The following HGS variants were observed in gnomAD, a reference collection of about 807,000 sequenced individuals.
HGS encodes the protein human growth factor-regulated tyrosine kinase substrate.
In HGS, 63 loss-of-function variants were observed where a neutral mutation model predicts 109.7. The ratio of observed to expected loss-of-function variants is 0.57; its 90% CI spans 0.47 to 0.71. The LOEUF (loss-of-function observed/expected upper bound fraction) is 0.71. HGS is among the 30% of genes least tolerant of loss of function. The probability of loss-of-function intolerance (pLI) is 0.00; values close to 1 mark genes in which losing one functional copy is unlikely to be tolerated. For missense variants in HGS, 995 were observed against 1,068.3 expected, an observed-to-expected ratio of 0.93 and a Z score of 0.96; for synonymous variants, 546 against 437.3, an observed-to-expected ratio of 1.25 and a Z score of -3.10.
In HGS at chr17:81,691,910, C is replaced by A. The variant is rs62077183; in HGVS notation, c.662+339C>A. The A allele has an allele frequency of 0.13, 27,923 of 208,198 alleles. 2,078 individuals carry two copies. Among genetic ancestry groups the A allele is most frequent in the African/African-American group, 0.17 (7,360 of 43,986 alleles). The allele number at this position is 208,198 out of a possible 1,614,324, so 12.9% of individuals were successfully genotyped here. ...GAGTAGCACAGAGAAGCTGCGGGGCCGCGGCCAGTGCCTCAGCGGTGGGAA... is the reference window on the plus strand; with the variant it reads ...GAGTAGCACAGAGAAGCTGCGGGGCAGCGGCCAGTGCCTCAGCGGTGGGAA... On this transcript the variant is annotated intron_variant, in intron 8 of 21. Coordinates refer to ENST00000329138, the MANE Select transcript of HGS (RefSeq NM_004712.5). This position sits in a 1 kb window ranked among gnomAD's most constrained non-coding sequence, Gnocchi z 5.3.
Position 81,693,769 on chromosome 17 carries a change from G to C in HGS, c.840+17G>C. On this transcript the variant is annotated intron_variant, in intron 10 of 21. Coordinates refer to ENST00000329138, the MANE Select transcript of HGS (RefSeq NM_004712.5). ...GAGAGGCTGGTAAGCCGGGTGGGGC[G>C]GGGCGGCCTCAGGAGGGGCCCAGCT... 6.5e-7 allele frequency: 1 copy of C among 1,538,460 alleles called. No homozygotes were observed. Among genetic ancestry groups the C allele is most frequent in the Non-Finnish European group, 8.7e-7 (1 of 1,144,732 alleles).
At chr17:81,701,219 G>T (rs1202444273) in intron 21 of HGS, 88 bp downstream of exon 21, 1 of 1,214,928 alleles carries the variant, frequency 8.2e-7, no homozygotes, top group Admixed American at 1.8e-5. Context: ...CCCCAGTGGG[G>T]ATTGTCCCGT....
rs767751439 is a variant in HGS, at chr17:81,685,022, C to T, written c.38-583C>T. ...TGTGGGCAGAGCTGGAGCTGCCCCC[C>T]CAGAGGGGCCAGTTGTTGGAGACAG... is the stretch of plus-strand genomic sequence containing the variant. On this transcript the variant is annotated intron_variant, in intron 1 of 21. Coordinates refer to ENST00000329138, the MANE Select transcript of HGS (RefSeq NM_004712.5). 7.1e-6 allele frequency: 7 copies of T among 985,264 alleles called. No individual in the cohort carries two copies. In the South Asian group the frequency reaches 2.3e-4, roughly 33 times the overall value. 61.0% of individuals were successfully genotyped at this position (985,264 alleles called of 1,614,324 possible). A position where few individuals can be genotyped will look rare whatever the true frequency, so the allele number is the denominator to read the frequency against.
At position 81,701,491 on chromosome 17, in the gene HGS, G is replaced by C. The variant is rs1472775542; in HGVS notation, c.2224-17G>C. On this transcript the variant is annotated splice_polypyrimidine_tract_variant and intron_variant, in intron 21 of 21. Coordinates refer to ENST00000329138, the MANE Select transcript of HGS (RefSeq NM_004712.5). The stretch of plus-strand genomic sequence containing the variant: ...GGAAGGGAGGACCAGGGCCATGCCT[G>C]CTTTCCTCCTGCACAGATGGCACCC... 3 of 1,541,050 alleles carry C rather than the reference G, an allele frequency of 1.9e-6. No individual in the cohort carries two copies. The highest frequency in any genetic ancestry group is 2.6e-6 in the Non-Finnish European group (3 of 1,148,718).
chr17:81,687,450 A>G (rs1280752765), intron 4 of HGS, among the ~76,000 whole-genome samples: 1 of 152,088 alleles, frequency 6.6e-6, no homozygotes, highest in Non-Finnish European at 1.5e-5. Flanking sequence ...GGTGGTGGCT[A>G]TCGTGTGTGA....
At chr17:81,697,420 C>T (rs2037170817) in intron 18 of HGS, 1 of 156,172 alleles carries the variant, frequency 6.4e-6, no homozygotes, top group African/African-American at 2.5e-5. Context: ...ATCTACTGTC[C>T]CAAGAGCACT....
At position 81,696,142 on chromosome 17, in the gene HGS, G is replaced by A. The variant is rs2037142608; in HGVS notation, c.1393+143G>A. 3 of 923,184 alleles carry A rather than the reference G, an allele frequency of 3.2e-6. No homozygotes were observed. In the South Asian group the frequency reaches 5.2e-5, roughly 16 times the overall value. The allele number at this position is 923,184 out of a possible 1,614,324, so 57.2% of individuals were successfully genotyped here. A position where few individuals can be genotyped will look rare whatever the true frequency, so the allele number is the denominator to read the frequency against. On this transcript the variant is annotated intron_variant, in intron 15 of 21. Coordinates refer to ENST00000329138, the MANE Select transcript of HGS (RefSeq NM_004712.5). The stretch of plus-strand genomic sequence containing the variant: ...GGCTTCCTCCAGAGAGTGTCAACAG[G>A]AGGTGGTCTCAGTGATGACCATGCC...
chr17:81,690,718 G>A lies in HGS; in HGVS notation c.513G>A (p.Val171=). The A allele has an allele frequency of 1.2e-6, 2 of 1,613,232 alleles. No homozygotes were observed. Among genetic ancestry groups the A allele is most frequent in the Non-Finnish European group, 1.7e-6 (2 of 1,179,808 alleles). ...CTGAGGAATGCCACCGCTGCAGGGT[G>A]CAGTTCGGGGTGATGACCCGTAAGG... ...VDAEECHRCR[V]QFGVMTRKHH... The change falls in exon 7 of 22, where the codon GTG becomes GTA. Residue 171 remains valine, a synonymous_variant. Coordinates refer to ENST00000329138, the MANE Select transcript of HGS (RefSeq NM_004712.5).
In HGS at chr17:81,701,795, C is replaced by T; in HGVS notation, c.*177C>T. ...CCTTGTCCTCAGCCTACTGCAGTCC[C>T]TGAGTTAGTCTCTGCTTTCTTTCCC... On this transcript the variant is annotated 3_prime_UTR_variant, in exon 22 of 22. Coordinates refer to ENST00000329138, the MANE Select transcript of HGS (RefSeq NM_004712.5). 1.1e-6 allele frequency: 1 copy of T among 883,660 alleles called. No individual in the cohort carries two copies. The highest frequency in any genetic ancestry group is 1.6e-6 in the Non-Finnish European group (1 of 619,602). The allele number at this position is 883,660 out of a possible 1,614,324, so 54.7% of individuals were successfully genotyped here.
At chr17:81,686,411 TG>T in intron 3 of HGS, 24 bp downstream of exon 3, 2 of 1,596,028 alleles carry the variant, frequency 1.3e-6, no homozygotes, top group Non-Finnish European at 1.7e-6. Flanking sequence ...CGTGCCTCAG[TG>T]GCCCCCAGGG....
chr17:81,693,662 C>G lies in HGS; in HGVS notation c.750C>G (p.Pro250=), dbSNP rs945214394. 11 of 1,554,652 alleles carry G rather than the reference C, an allele frequency of 7.1e-6. No individual in the cohort carries two copies. Among genetic ancestry groups the G allele is most frequent in the Non-Finnish European group, 9.6e-6 (11 of 1,148,176 alleles). ...SPLSQQSQLP[P]KRDETALQEE... Reference sequence around the variant, plus strand: ...TCCCCGCTTGTCCTCAGCTGCCCCCCAAGAGGGACGAGACGGCCCTGCAGG... The same window carrying G: ...TCCCCGCTTGTCCTCAGCTGCCCCCGAAGAGGGACGAGACGGCCCTGCAGG... The change falls in exon 10 of 22, where the codon CCC becomes CCG. Residue 250 remains proline (P), a synonymous_variant. Coordinates refer to ENST00000329138, the MANE Select transcript of HGS (RefSeq NM_004712.5).
chr17:81,694,398 C>T (rs1056391612), intron 11 of HGS, among the ~76,000 whole-genome samples: 3 of 152,178 alleles, frequency 2.0e-5, no homozygotes, highest in Non-Finnish European at 2.9e-5. Flanking sequence ...TTGTAGGTTC[C>T]GTGGAGTGGC....
chr17:81,699,397 C>A (rs1231311710), intron 18 of HGS, among the ~76,000 whole-genome samples: 1 of 152,208 alleles, frequency 6.6e-6, no homozygotes, highest in Non-Finnish European at 1.5e-5. Context: ...TGATTTCATT[C>A]CATTCTAGGA....
Position 81,691,292 on chromosome 17 carries a change from G to T in HGS, c.538-155G>T. ...TCCCGGGAGCATGTCCAGGTTCCCC[G>T]GCCTTAGGGTCTTCCCAGGCACTTG... is the stretch of plus-strand genomic sequence containing the variant. On this transcript the variant is annotated intron_variant, in intron 7 of 21. Transcript: ENST00000329138. This position sits in a 1 kb window ranked among gnomAD's most constrained non-coding sequence, Gnocchi z 5.3. 2.3e-6 allele frequency: 2 copies of T among 868,104 alleles called. No individual in the cohort carries two copies. Among genetic ancestry groups the T allele is most frequent in the Non-Finnish European group, 3.6e-6 (2 of 555,580 alleles). 53.8% of individuals were successfully genotyped at this position (868,104 alleles called of 1,614,324 possible).
intron 11 of HGS, among the ~76,000 whole-genome samples, chr17:81,694,611 G>C (rs188198993): frequency 6.8e-4 from 104 of 152,354 alleles, no homozygotes; most frequent in Middle Eastern, 3.4e-3. Flanking sequence ...TAGGACGGCA[G>C]TGCTGTCAGC....
chr17:81,693,690 G>T lies in HGS; in HGVS notation c.778G>T (p.Glu260Ter). ...PKRDETALQE[E>*]EELQLALALS... Reference sequence around the variant, plus strand: ...GAGGGACGAGACGGCCCTGCAGGAGGAGGAGGAGCTGCAGCTGGCCCTGGC... The same window carrying T: ...GAGGGACGAGACGGCCCTGCAGGAGTAGGAGGAGCTGCAGCTGGCCCTGGC... The change falls in exon 10 of 22, where the codon GAG becomes TAG. Residue 260 changes from glutamate (E) to a stop codon, truncating the protein, a stop_gained. Transcript: ENST00000329138. LOFTEE classifies it high-confidence loss of function. The T allele has an allele frequency of 6.4e-7, 1 of 1,558,286 alleles. No individual in the cohort carries two copies. Among genetic ancestry groups the T allele is most frequent in the East Asian group, 2.4e-5 (1 of 42,114 alleles).
intron 11 of HGS, 44 bp from the exon 12 acceptor site, chr17:81,694,771 C>T (rs1247518411): frequency 1.2e-6 from 2 of 1,613,742 alleles, no homozygotes; most frequent in South Asian, 2.2e-5. Flanking sequence ...GCCGAAGCAA[C>T]TGGCTCTGTC....
chr17:81,687,475 C>A (rs563570075), intron 4 of HGS, among the ~76,000 whole-genome samples: 4 of 152,048 alleles, frequency 2.6e-5, no homozygotes, highest in Non-Finnish European at 5.9e-5. Flanking sequence ...GGCTGTGGTC[C>A]GGAGGGCAGG....
chr17:81,696,633 G>T lies in HGS; in HGVS notation c.1593G>T (p.Leu531=), dbSNP rs2037153976. ...AGTACCTGGAGGTGCAGAGGCAGCT[G>T]GCCATCCAGCGCCTGCAGGAGCAGG... ...KQEYLEVQRQ[L]AIQRLQEQEK... is the part of the protein sequence containing the mutation. The change falls in exon 17 of 22, where the codon CTG becomes CTT. Residue 531 remains leucine, a synonymous_variant. Transcript: ENST00000329138. The T allele has an allele frequency of 6.2e-7, 1 of 1,610,514 alleles. No individual in the cohort carries two copies. Among genetic ancestry groups the T allele is most frequent in the Admixed American group, 1.7e-5 (1 of 59,862 alleles).
Sources: gnomAD v4.1 joint callset for allele counts (sites outside exome capture counted in the v4.1 genomes callset) on GRCh38, gnomAD v4.1.1 for gene constraint, Gnocchi (gnomAD v3.1) non-coding constraint, MANE v1.5 for transcripts, NCBI Gene and HGNC (gene_info 2026-07-23, HGNC 2026-07-21) for gene names.